CLIC6: variants seen among roughly 807,000 people sequenced by gnomAD.
CLIC6 encodes CLIC family member 6, also known as chloride intracellular channel protein 6.
A neutral mutation model predicts 49.2 loss-of-function variants in CLIC6; 39 were observed. The ratio of observed to expected loss-of-function variants is 0.79; its 90% CI spans 0.61 to 1.04. The LOEUF (loss-of-function observed/expected upper bound fraction) is 1.04, where lower values mean the gene tolerates loss of function less well. Among genes scored for constraint, CLIC6 ranks in the 50% least tolerant of loss-of-function variants. The probability of loss-of-function intolerance (pLI) is 0.00; values close to 1 mark genes in which losing one functional copy is unlikely to be tolerated. For synonymous variants in CLIC6, 446 were observed against 433.4 expected (o/e 1.03, Z -0.36); for missense variants, 988 against 993.1 (o/e 0.99, Z 0.07).
intron 1 of CLIC6, among the ~76,000 whole-genome samples, chr21:34,682,957 G>GC (rs1989809363): frequency 6.6e-6 from 1 of 151,426 alleles, no homozygotes; most frequent in Non-Finnish European, 1.5e-5. Flanking sequence ...GACTACAGGC[G>GC]CCCGCCAACA....
In CLIC6 at chr21:34,716,505, T is replaced by C. The variant is rs1157409334; in HGVS notation, c.*23T>C. 5.0e-6 allele frequency: 8 copies of C among 1,592,912 alleles called. No homozygotes were observed. Among genetic ancestry groups the C allele is most frequent in the Non-Finnish European group, 6.8e-6 (8 of 1,168,546 alleles). On this transcript the variant is annotated 3_prime_UTR_variant, in exon 6 of 6. Coordinates refer to ENST00000349499, the MANE Select transcript of CLIC6 (RefSeq NM_053277.3). ...TGAAGCTGGGCTGTTTTCTGTCTTA[T>C]TTCTCAGTTGAGTGAGCAAGGATAC...
At chr21:34,706,013 T>G (rs2056011985) in intron 1 of CLIC6, 1 of 678,414 alleles carries the variant, frequency 1.5e-6, no homozygotes, top group Admixed American at 2.1e-5. Flanking sequence ...AACATTCTTT[T>G]CTTTTGTATT....
Position 34,670,498 on chromosome 21 carries a change from C to G in CLIC6, c.1110C>G (p.Asp370Glu), listed in dbSNP as rs1989534282. The G allele has an allele frequency of 2.7e-6, 4 of 1,492,748 alleles. No homozygotes were observed. The highest frequency in any genetic ancestry group is 3.6e-6 in the Non-Finnish European group (4 of 1,121,160). The allele number at this position is 1,492,748 out of a possible 1,614,324, so 92.5% of individuals were successfully genotyped here. Residue 370 changes from aspartate (D) to glutamate (E), a missense_variant, in exon 1 of 6, where the codon GAC becomes GAG. Physicochemically the swap from Asp to Glu is conservative, Grantham distance 45. Around this residue, in one of 3 missense-constraint regions of CLIC6, gnomAD observed 647 missense variants for 596.9 expected, o/e 1.08. Transcript: ENST00000349499. The part of the protein sequence containing the change: ...GDGPQQEPGE[D>E]EERRERSPEG... ...GGCCACAGCAGGAGCCGGGGGAGGA[C>G]GAAGAGAGACGAGAGCGGAGCCCGG... is the stretch of plus-strand genomic sequence containing the variant.
chr21:34,675,928 C>G (rs9941837), intron 1 of CLIC6, among the ~76,000 whole-genome samples: 2,063 of 152,338 alleles, frequency 0.014, 50 homozygotes, highest in African/African-American at 0.047. Flanking sequence ...AGCAGGGTTA[C>G]AGGATGCTGG....
At chr21:34,670,905 C>T (rs1463672040) in intron 1 of CLIC6, 143 bp downstream of exon 1, 10 of 918,514 alleles carry the variant, frequency 1.1e-5, no homozygotes, top group East Asian at 6.1e-5. Flanking sequence ...GGGCGGTAGG[C>T]GGGACAGCCG....
chr21:34,711,910 G>A (rs1302497152), intron 5 of CLIC6, among the ~76,000 whole-genome samples: 2 of 152,176 alleles, frequency 1.3e-5, no homozygotes, highest in Admixed American at 1.3e-4. Context: ...GGATATTTAT[G>A]TAGCTGTGTT....
intron 1 of CLIC6, among the ~76,000 whole-genome samples, chr21:34,675,974 G>A (rs541556311): frequency 6.6e-6 from 1 of 152,154 alleles, no homozygotes; most frequent in South Asian, 2.1e-4. Flanking sequence ...CCTGCCATGT[G>A]CACACATCAC....
In CLIC6 at chr21:34,670,704, G is replaced by C. The variant is rs1225857128; in HGVS notation, c.1316G>C (p.Gly439Ala). ...AARVNGRREDGEASEPRALGQ... is the reference protein window; with the variant it reads ...AARVNGRREDAEASEPRALGQ... ...CGCGTGAACGGCCGCCGGGAGGACG[G>C]AGAGGCGTCCGAGCCCCGGGCCCTG... is the stretch of plus-strand genomic sequence containing the variant. Residue 439 changes from glycine (G) to alanine (A), a missense_variant, in exon 1 of 6, where the codon GGA becomes GCA. Around this residue, in one of 3 missense-constraint regions of CLIC6, gnomAD observed 647 missense variants for 596.9 expected, o/e 1.08. Transcript: ENST00000349499. The C allele has an allele frequency of 3.1e-6, 5 of 1,592,906 alleles. No individual in the cohort carries two copies. The African/African-American group carries it at 4.0e-5, about 13-fold the overall frequency.
At chr21:34,670,890 T>A in intron 1 of CLIC6, 128 bp downstream of exon 1, 1 of 1,091,154 alleles carries the variant, frequency 9.2e-7, no homozygotes, top group Non-Finnish European at 1.2e-6. Context: ...GGCGCTTCCA[T>A]GCGCGGGCGG....
chr21:34,669,385 G>C lies in CLIC6; in HGVS notation c.-4G>C. ...GTCCCGATCAAGGACAGGGATCTGC[G>C]GCCATGGCCGAGGCCGCGGAGCCGG... is the stretch of plus-strand genomic sequence containing the variant. On this transcript the variant is annotated 5_prime_UTR_variant, in exon 1 of 6. Transcript: ENST00000349499. The C allele has an allele frequency of 2.4e-6, 3 of 1,238,096 alleles. No individual in the cohort carries two copies. Among genetic ancestry groups the C allele is most frequent in the Non-Finnish European group, 3.0e-6 (3 of 991,280 alleles). The allele number at this position is 1,238,096 out of a possible 1,614,324, so 76.7% of individuals were successfully genotyped here. A position where few individuals can be genotyped will look rare whatever the true frequency, so the allele number is the denominator to read the frequency against.
intron 5 of CLIC6, among the ~76,000 whole-genome samples, chr21:34,712,211 C>T (rs2056061556): frequency 6.6e-6 from 1 of 152,170 alleles, no homozygotes; most frequent in South Asian, 2.1e-4. Context: ...GGATGGAGTA[C>T]TTCTGAAAGG....
At chr21:34,675,732 T>C (rs1989655849) in intron 1 of CLIC6, among the ~76,000 whole-genome samples, 1 of 152,134 alleles carries the variant, frequency 6.6e-6, no homozygotes. Context: ...TCATTGCCTC[T>C]CGGTTCTCAC....
At chr21:34,697,824 C>T (rs1411354571) in intron 1 of CLIC6, among the ~76,000 whole-genome samples, 1 of 152,190 alleles carries the variant, frequency 6.6e-6, no homozygotes, top group Admixed American at 6.5e-5. Flanking sequence ...AGGAGAACTG[C>T]GGGGCCTGCC....
chr21:34,689,926 CCAAA>C (rs1989959157), intron 1 of CLIC6, among the ~76,000 whole-genome samples: 1 of 152,200 alleles, frequency 6.6e-6, no homozygotes, highest in Non-Finnish European at 1.5e-5. Context: ...ACTGTCTTAT[CCAAA>C]CAGATTCTTC....
chr21:34,707,808 A>G (rs1310322910), intron 2 of CLIC6, 136 bp from the exon 3 acceptor site: 9 of 880,286 alleles, frequency 1.0e-5, no homozygotes, highest in East Asian at 2.6e-5. Context: ...CCAGCAAGAC[A>G]TTTTCATAAA....
intron 5 of CLIC6, among the ~76,000 whole-genome samples, chr21:34,714,579 T>C (rs1464235220): frequency 6.6e-6 from 1 of 151,746 alleles, no homozygotes; most frequent in Non-Finnish European, 1.5e-5. Context: ...TCCCAGCTAC[T>C]CGGGAGGCTG....
intron 5 of CLIC6, among the ~76,000 whole-genome samples, chr21:34,715,756 G>A (rs956477534): frequency 6.6e-6 from 1 of 152,208 alleles, no homozygotes; most frequent in Non-Finnish European, 1.5e-5. Flanking sequence ...ATCCCCATGA[G>A]GGTAGGGATT....
chr21:34,708,887 C>T, intron 4 of CLIC6, 81 bp downstream of exon 4: 1 of 994,656 alleles, frequency 1.0e-6, no homozygotes, highest in East Asian at 2.6e-5. Context: ...CTGGGGTATT[C>T]CCATCTATTT....
chr21:34,689,177 G>A (rs1321941181), intron 1 of CLIC6, among the ~76,000 whole-genome samples: 1 of 152,236 alleles, frequency 6.6e-6, no homozygotes, highest in Non-Finnish European at 1.5e-5. Flanking sequence ...ATGAACTGCA[G>A]TTCCAGATGC....
Sources: gnomAD v4.1 joint callset for allele counts (sites outside exome capture counted in the v4.1 genomes callset) on GRCh38, gnomAD v4.1.1 for gene constraint, gnomAD v4.1.1 regional missense constraint, MANE v1.5 for transcripts, NCBI Gene and HGNC (gene_info 2026-07-23, HGNC 2026-07-21) for gene names.